The following RABGEF1 variants were observed in gnomAD, a reference collection of about 807,000 sequenced individuals.
The protein encoded by RABGEF1 is RAB guanine nucleotide exchange factor 1, also known as rab5 GDP/GTP exchange factor.
In RABGEF1, 26 loss-of-function variants were observed where a neutral mutation model predicts 57.3. That is an observed-to-expected ratio of 0.45 (90% CI 0.33 to 0.63). The LOEUF is 0.63. Among genes scored for constraint, RABGEF1 ranks in the 20% least tolerant of loss-of-function variants. The pLI is 0.02. For synonymous variants in RABGEF1, 185 were observed against 210.7 expected (o/e 0.88, Z 1.06); for missense variants, 464 against 607.6 (o/e 0.76, Z 2.48).
intron 1 of RABGEF1, among the ~76,000 whole-genome samples, chr7:66,692,784 T>TC (rs1253995170): frequency 6.9e-6 from 1 of 143,992 alleles, no homozygotes; most frequent in Non-Finnish European, 1.5e-5. Flanking sequence ...CTAAGGAACC[T>TC]CCACATTCCC....
At chr7:66,697,903 C>T (rs1307083190) in intron 1 of RABGEF1, among the ~76,000 whole-genome samples, 7 of 152,130 alleles carry the variant, frequency 4.6e-5, no homozygotes, top group Non-Finnish European at 1.0e-4. Flanking sequence ...GGCTGCTCAC[C>T]TCAAACCCCT....
At chr7:66,777,566 A>G (rs1223838525) in intron 3 of RABGEF1, among the ~76,000 whole-genome samples, 1 of 152,182 alleles carries the variant, frequency 6.6e-6, no homozygotes. Flanking sequence ...AAGCCTCTGT[A>G]CAGTGTGCAT....
chr7:66,657,105 T>A, the RABGEF1 span, among the ~76,000 whole-genome samples: 1 of 152,124 alleles, frequency 6.6e-6, no homozygotes, highest in Non-Finnish European at 1.5e-5. Flanking sequence ...ACCAGATCAA[T>A]AGGAAAGAGA....
intron 2 of RABGEF1, among the ~76,000 whole-genome samples, chr7:66,724,065 A>G (rs2117553212): frequency 6.6e-6 from 1 of 151,198 alleles, no homozygotes; most frequent in Middle Eastern, 3.4e-3. Context: ...TTTTCTCACC[A>G]TTTGTTTCTT....
At chr7:66,712,664 GT>G (rs1260639394) in intron 2 of RABGEF1, among the ~76,000 whole-genome samples, 1 of 152,116 alleles carries the variant, frequency 6.6e-6, no homozygotes, top group East Asian at 1.9e-4. Context: ...TAGAGACAGG[GT>G]TTCACCATGT....
intron 1 of RABGEF1, among the ~76,000 whole-genome samples, chr7:66,754,290 CTG>C: frequency 6.6e-6 from 1 of 152,224 alleles, no homozygotes; most frequent in East Asian, 1.9e-4. Context: ...GCCTGAGCCA[CTG>C]TGCCAGGCCT....
Position 66,772,078 on chromosome 7 carries a change from G to A in RABGEF1, c.179G>A (p.Arg60Gln), listed in dbSNP as rs555363540. The A allele has an allele frequency of 2.6e-6, 4 of 1,523,090 alleles. No homozygotes were observed. The highest frequency in any genetic ancestry group is 3.5e-6 in the Non-Finnish European group (4 of 1,132,592). The allele number at this position is 1,523,090 out of a possible 1,614,324, so 94.3% of individuals were successfully genotyped here. A position where few individuals can be genotyped will look rare whatever the true frequency, so the allele number is the denominator to read the frequency against. ...QIQEDWELAERLQREEEEAFA... is the reference protein window; with the variant it reads ...QIQEDWELAEQLQREEEEAFA... ...CAGGAGGACTGGGAGCTGGCGGAGC[G>A]GTAAAAGGACTTAACTAGGGGCGGT... The change falls in exon 2 of 9, where the codon CGA becomes CAA. Residue 60 changes from arginine to glutamine, a missense_variant and splice_region_variant. Around this residue, in one of 4 missense-constraint regions of RABGEF1, gnomAD observed 284 missense variants for 389.9 expected, o/e 0.73. Transcript: ENST00000284957.
chr7:66,682,431 G>A (rs1377700548), intron 1 of RABGEF1, among the ~76,000 whole-genome samples: 4 of 152,202 alleles, frequency 2.6e-5, no homozygotes, highest in Non-Finnish European at 4.4e-5. Context: ...CCCGTTTCAG[G>A]CCGCCCTCGG....
chr7:66,789,389 AGAT>A (rs1812025035), intron 4 of RABGEF1, among the ~76,000 whole-genome samples: 1 of 152,164 alleles, frequency 6.6e-6, no homozygotes, highest in African/African-American at 2.4e-5. Context: ...AGTAGATAAA[AGAT>A]GTATTTGAGG....
chr7:66,743,894 G>A (rs1344778789), intron 1 of RABGEF1, among the ~76,000 whole-genome samples: 1 of 152,094 alleles, frequency 6.6e-6, no homozygotes, highest in African/African-American at 2.4e-5. Flanking sequence ...GCCTCCCAAA[G>A]TGTTGGGATT....
chr7:66,669,816 A>G, the RABGEF1 span: 1 of 151,916 alleles, frequency 6.6e-6, no homozygotes, highest in African/African-American at 2.4e-5. Context: ...CGGCCAGAAA[A>G]CAGGGAGGCA....
At chr7:66,698,128 C>T (rs1481972822) in intron 1 of RABGEF1, among the ~76,000 whole-genome samples, 2 of 148,912 alleles carry the variant, frequency 1.3e-5, no homozygotes, top group African/African-American at 4.9e-5. Context: ...ACCAGTACTT[C>T]AGGATAAACC....
intron 2 of RABGEF1, among the ~76,000 whole-genome samples, chr7:66,714,771 T>TA (rs1205042500): frequency 6.6e-6 from 1 of 152,022 alleles, no homozygotes; most frequent in East Asian, 1.9e-4. Flanking sequence ...CTGTCTCTAC[T>TA]AAAAATACAA....
intron 2 of RABGEF1, among the ~76,000 whole-genome samples, chr7:66,734,870 TG>T (rs1469819545): frequency 6.6e-6 from 1 of 152,138 alleles, no homozygotes; most frequent in Non-Finnish European, 1.5e-5. Context: ...TCTGCAGTAG[TG>T]GTGCTCCTGG....
chr7:66,661,848 T>C, the RABGEF1 span, among the ~76,000 whole-genome samples: 1 of 152,032 alleles, frequency 6.6e-6, no homozygotes, highest in Non-Finnish European at 1.5e-5. Context: ...CTTATGAACA[T>C]TGGTTAAAAA....
At chr7:66,655,218 A>T in the RABGEF1 span, among the ~76,000 whole-genome samples, 2 of 152,166 alleles carry the variant, frequency 1.3e-5, no homozygotes, top group Non-Finnish European at 2.9e-5. Flanking sequence ...GCGAGGCTGC[A>T]GGGCTGGGGT....
chr7:66,685,777 C>T (rs933819242), intron 1 of RABGEF1, among the ~76,000 whole-genome samples: 2 of 152,134 alleles, frequency 1.3e-5, no homozygotes, highest in African/African-American at 4.8e-5. Context: ...ATTCTGTTTA[C>T]CTATGTCAGT....
At chr7:66,674,282 C>T in the RABGEF1 span, among the ~76,000 whole-genome samples, 1 of 151,870 alleles carries the variant, frequency 6.6e-6, no homozygotes, top group African/African-American at 2.4e-5. Context: ...TTCCACTTCC[C>T]AGGTTGAAGC....
intron 1 of RABGEF1, among the ~76,000 whole-genome samples, chr7:66,756,870 T>C (rs189172582): frequency 1.3e-5 from 2 of 152,282 alleles, no homozygotes; most frequent in East Asian, 1.9e-4. Context: ...TTCCCCTCCT[T>C]CTTCTAACAT....
Sources: gnomAD v4.1 joint callset for allele counts (sites outside exome capture counted in the v4.1 genomes callset) on GRCh38, gnomAD v4.1.1 for gene constraint, gnomAD v4.1.1 regional missense constraint, MANE v1.5 for transcripts, NCBI Gene and HGNC (gene_info 2026-07-23, HGNC 2026-07-21) for gene names.